PTBP3: variants seen among roughly 807,000 people sequenced by gnomAD.
PTBP3 encodes polypyrimidine tract-binding protein 3.
A neutral mutation model predicts 58.7 loss-of-function variants in PTBP3; 20 were observed. The observed-to-expected ratio is 0.34, with a 90% CI of 0.24 to 0.50. The LOEUF (loss-of-function observed/expected upper bound fraction) is 0.50, where lower values mean the gene tolerates loss of function less well. Ranked by LOEUF, PTBP3 falls within the 20% of genes least tolerant of loss-of-function variation. PTBP3 has a pLI of 0.98. For missense variants in PTBP3, 509 were observed against 637.2 expected, an observed-to-expected ratio of 0.80 and a Z score of 2.17; for synonymous variants, 185 against 219.8, an observed-to-expected ratio of 0.84 and a Z score of 1.40.
chr9:112,322,384 T>C (rs1829991659), intron 1 of PTBP3, among the ~76,000 whole-genome samples: 1 of 152,134 alleles, frequency 6.6e-6, no homozygotes, highest in Non-Finnish European at 1.5e-5. Flanking sequence ...AAGTCACATA[T>C]CAGAGGCACA....
At chr9:112,345,064 C>T in the PTBP3 span, among the ~76,000 whole-genome samples, 582 of 151,796 alleles carry the variant, frequency 3.8e-3, 6 homozygotes, top group African/African-American at 0.014. Flanking sequence ...ACTGGGAAGG[C>T]GGAGGTTGCG....
At chr9:112,309,884 C>T (rs1319370334) in intron 1 of PTBP3, among the ~76,000 whole-genome samples, 2 of 152,150 alleles carry the variant, frequency 1.3e-5, no homozygotes, top group African/African-American at 4.8e-5. Flanking sequence ...CTACCTGAAA[C>T]TCCAAGGGTT....
intron 2 of PTBP3, among the ~76,000 whole-genome samples, chr9:112,294,411 G>A (rs1215163401): frequency 2.6e-5 from 4 of 152,160 alleles, no homozygotes; most frequent in Non-Finnish European, 5.9e-5. Context: ...CCAGCTACTT[G>A]AGAGGCTGAG....
At chr9:112,317,850 G>C (rs1267581673) in intron 1 of PTBP3, among the ~76,000 whole-genome samples, 1 of 151,766 alleles carries the variant, frequency 6.6e-6, no homozygotes, top group African/African-American at 2.4e-5. Context: ...AGGAGAGGCA[G>C]GAGAATCGCT....
At chr9:112,246,909 A>G (rs1156690264) in intron 7 of PTBP3, among the ~76,000 whole-genome samples, 2 of 152,304 alleles carry the variant, frequency 1.3e-5, no homozygotes, top group African/African-American at 4.8e-5. Flanking sequence ...GGAAAGACAC[A>G]AAATTATTTC....
intron 8 of PTBP3, 143 bp downstream of exon 8, chr9:112,234,677 C>A: frequency 1.4e-6 from 1 of 689,984 alleles, no homozygotes; most frequent in Non-Finnish European, 2.4e-6. Flanking sequence ...ATATATCATA[C>A]AAATCACTAC....
At chr9:112,361,556 C>CCTTCT in the PTBP3 span, among the ~76,000 whole-genome samples, 141,757 of 151,996 alleles carry the variant, frequency 0.93, 66,188 homozygotes, top group Admixed American at 0.96. Flanking sequence ...TAAATTTCTA[C>CCTTCT]CTTATTTTCC....
upstream of PTBP3, among the ~76,000 whole-genome samples, chr9:112,336,062 CAG>C (rs1830574479): frequency 6.6e-6 from 1 of 152,114 alleles, no homozygotes; most frequent in East Asian, 2.0e-4. Flanking sequence ...TTAGTAGAGA[CAG>C]AGTTTCACCA....
chr9:112,294,343 G>T (rs571989106), intron 2 of PTBP3, among the ~76,000 whole-genome samples: 1 of 152,126 alleles, frequency 6.6e-6, no homozygotes, highest in East Asian at 1.9e-4. Context: ...ACATAGTAAG[G>T]CCCCATCTCT....
intron 12 of PTBP3, 39 bp downstream of exon 12, chr9:112,227,372 T>A: frequency 6.3e-7 from 1 of 1,585,928 alleles, no homozygotes; most frequent in Non-Finnish European, 8.7e-7. Context: ...TTGTAGATTA[T>A]TCATCATCTA....
At chr9:112,373,988 T>G in the PTBP3 span, among the ~76,000 whole-genome samples, 2 of 152,204 alleles carry the variant, frequency 1.3e-5, no homozygotes, top group Non-Finnish European at 2.9e-5. Flanking sequence ...TGGTTTTTTT[T>G]TCCTGGTGGG....
At chr9:112,280,596 A>ATT (rs1827813734) in intron 2 of PTBP3, among the ~76,000 whole-genome samples, 2 of 152,168 alleles carry the variant, frequency 1.3e-5, no homozygotes, top group African/African-American at 4.8e-5. Context: ...TCACAAAAGG[A>ATT]GTTGAATTCT....
chr9:112,220,013 T>C lies in PTBP3; in HGVS notation c.*3838A>G, dbSNP rs1390825594. The C allele has an allele frequency of 1.0e-6, 1 of 973,254 alleles. No homozygotes were observed. Among genetic ancestry groups the C allele is most frequent in the African/African-American group, 1.8e-5 (1 of 56,900 alleles). 60.3% of individuals were successfully genotyped at this position (973,254 alleles called of 1,614,324 possible). On this transcript the variant is annotated 3_prime_UTR_variant, in exon 14 of 14. Transcript: ENST00000374257. ...TTCTTTCAGCACAATAGTAGAGTAT[T>C]TTGAGTCTGGCAGTTTTGTTCTCAT...
chr9:112,343,482 C>G, the PTBP3 span, among the ~76,000 whole-genome samples: 1 of 152,140 alleles, frequency 6.6e-6, no homozygotes, highest in Non-Finnish European at 1.5e-5. Context: ...TTTTGTCAAG[C>G]AGTCAGTTTA....
intron 2 of PTBP3, among the ~76,000 whole-genome samples, chr9:112,290,707 T>TACACACACACAA (rs1828375257): frequency 3.6e-5 from 4 of 110,958 alleles, no homozygotes; most frequent in Admixed American, 1.0e-4. Flanking sequence ...TATATATATA[T>TACACACACACAA]ACACACACAC....
chr9:112,265,793 T>C (rs1836775627), intron 4 of PTBP3, among the ~76,000 whole-genome samples: 1 of 152,078 alleles, frequency 6.6e-6, no homozygotes, highest in Non-Finnish European at 1.5e-5. Flanking sequence ...AGTTTCACAT[T>C]AGTAGATAAT....
At chr9:112,301,025 A>T (rs1308445836) in intron 1 of PTBP3, among the ~76,000 whole-genome samples, 1 of 152,192 alleles carries the variant, frequency 6.6e-6, no homozygotes, top group Non-Finnish European at 1.5e-5. Flanking sequence ...ACTTTGTCAA[A>T]TATAAAAACT....
chr9:112,259,267 A>G (rs1187221055), intron 5 of PTBP3, among the ~76,000 whole-genome samples: 1 of 152,110 alleles, frequency 6.6e-6, no homozygotes, highest in Admixed American at 6.5e-5. Flanking sequence ...TATTCTTAAT[A>G]TAGCAACAAG....
At chr9:112,271,743 G>GA (rs1827394474) in intron 3 of PTBP3, among the ~76,000 whole-genome samples, 1 of 149,826 alleles carries the variant, frequency 6.7e-6, no homozygotes, top group South Asian at 2.1e-4. Context: ...CTTCAAGAAA[G>GA]AAAAAAAAGA....
Sources: gnomAD v4.1 joint callset for allele counts (sites outside exome capture counted in the v4.1 genomes callset) on GRCh38, gnomAD v4.1.1 for gene constraint, MANE v1.5 for transcripts, NCBI Gene and HGNC (gene_info 2026-07-23, HGNC 2026-07-21) for gene names.